The following DCK variants were observed in gnomAD, a reference collection of about 807,000 sequenced individuals.
DCK encodes the protein deoxyadenosine kinase.
A neutral mutation model predicts 38.3 loss-of-function variants in DCK; 23 were observed. The observed-to-expected ratio is 0.60, with a 90% confidence interval of 0.43 to 0.85. The LOEUF (loss-of-function observed/expected upper bound fraction) is 0.85, where lower values mean the gene tolerates loss of function less well. Among genes scored for constraint, DCK ranks in the 40% least tolerant of loss-of-function variants. DCK has a pLI of 0.00. For synonymous variants in DCK, 108 were observed against 100.6 expected, an observed-to-expected ratio of 1.07 and a Z score of -0.44; for missense variants, 259 against 304.4, an observed-to-expected ratio of 0.85 and a Z score of 1.11.
intron 1 of DCK, among the ~76,000 whole-genome samples, chr4:70,996,801 G>A (rs1285027006): frequency 6.6e-6 from 1 of 152,186 alleles, no homozygotes; most frequent in African/African-American, 2.4e-5. Context: ...GGACTTACCT[G>A]CTTCTCATCT....
chr4:70,995,444 T>C (rs987784011), intron 1 of DCK, among the ~76,000 whole-genome samples: 8 of 152,094 alleles, frequency 5.3e-5, no homozygotes, highest in Non-Finnish European at 7.4e-5. Flanking sequence ...AAAAATTAGT[T>C]GCATGTGTTG....
intron 2 of DCK, among the ~76,000 whole-genome samples, chr4:71,014,134 A>G (rs1442924220): frequency 6.6e-6 from 1 of 152,198 alleles, no homozygotes; most frequent in African/African-American, 2.4e-5. Flanking sequence ...CTCTGATAAA[A>G]CAGTCTTTAA....
intron 2 of DCK, among the ~76,000 whole-genome samples, chr4:71,002,662 A>G (rs1281650698): frequency 1.3e-5 from 2 of 152,092 alleles, no homozygotes; most frequent in South Asian, 2.1e-4. Flanking sequence ...GTGCATATCT[A>G]TTTAGGATAG....
intron 2 of DCK, among the ~76,000 whole-genome samples, chr4:71,000,661 T>C (rs1406945777): frequency 6.6e-6 from 1 of 152,240 alleles, no homozygotes; most frequent in African/African-American, 2.4e-5. Flanking sequence ...GAGCATGGAA[T>C]GTTTTACCAT....
intron 2 of DCK, among the ~76,000 whole-genome samples, chr4:71,012,947 C>T (rs1413056594): frequency 1.3e-5 from 2 of 151,632 alleles, no homozygotes; most frequent in African/African-American, 2.4e-5. Context: ...AAGAAGGCTT[C>T]AGATAATCAA....
chr4:71,013,873 A>G (rs140090695), intron 2 of DCK, among the ~76,000 whole-genome samples: 4,962 of 152,290 alleles, frequency 0.033, 280 homozygotes, highest in Admixed American at 0.15. Flanking sequence ...ATAACCAGCT[A>G]ACATCATAAT....
At chr4:71,027,364 A>T (rs1005079962) in intron 6 of DCK, among the ~76,000 whole-genome samples, 2 of 152,076 alleles carry the variant, frequency 1.3e-5, no homozygotes, top group Non-Finnish European at 2.9e-5. Context: ...ATCACAGTTC[A>T]TTTATTGCCC....
rs973498740 is a variant in DCK at position 71,013,688 on chromosome 4, C to T, written c.208-8679C>T. Among the ~76,000 whole-genome samples the T allele has an allele frequency of 3.3e-5, 5 of 152,130 alleles. No homozygotes were observed. In the East Asian group the frequency reaches 7.7e-4, roughly 23 times the overall value. ...TTCATAAGTGAAGGAGAAATAAAATCCTTTACAGACAAGCAAATGCTGAGA... is the reference window on the plus strand; with the variant it reads ...TTCATAAGTGAAGGAGAAATAAAATTCTTTACAGACAAGCAAATGCTGAGA... On this transcript the variant is annotated intron_variant, in intron 2 of 6. Transcript: ENST00000286648.
chr4:71,026,308 A>T (rs961140800), intron 5 of DCK, among the ~76,000 whole-genome samples: 1 of 152,112 alleles, frequency 6.6e-6, no homozygotes, highest in Admixed American at 6.6e-5. Flanking sequence ...GCTCAAGTCC[A>T]GTCTTACTGG....
At chr4:71,005,041 C>A (rs893395459) in intron 2 of DCK, among the ~76,000 whole-genome samples, 3 of 152,196 alleles carry the variant, frequency 2.0e-5, no homozygotes, top group African/African-American at 4.8e-5. Context: ...AAAAAAAACT[C>A]CTGCAGCTAA....
rs572568612 is a variant in DCK, at chr4:71,013,642, T to A, written c.208-8725T>A. Among the ~76,000 whole-genome samples the A allele has an allele frequency of 8.2e-3, 1,253 of 152,202 alleles. 9 individuals are homozygous for A. The highest frequency in any genetic ancestry group is 0.029 in the African/African-American group (1,191 of 41,512). On this transcript the variant is annotated intron_variant, in intron 2 of 6. Transcript: ENST00000286648. ...AGAAACGAATTTGCAACCCAGAATA[T>A]CATATCCAGCCAAACTAAACTTCAT... is the stretch of plus-strand genomic sequence containing the variant.
intron 2 of DCK, among the ~76,000 whole-genome samples, chr4:71,017,110 G>T (rs1367911944): frequency 6.6e-6 from 1 of 152,156 alleles, no homozygotes; most frequent in Non-Finnish European, 1.5e-5. Flanking sequence ...CCATCAAAAA[G>T]TGGGCAAAGG....
chr4:71,000,731 C>T (rs1221624961), intron 2 of DCK, among the ~76,000 whole-genome samples: 1 of 152,116 alleles, frequency 6.6e-6, no homozygotes, highest in African/African-American at 2.4e-5. Flanking sequence ...TGAAGAGGTC[C>T]TTCACATCCG....
chr4:70,995,704 G>T (rs1002003385), intron 1 of DCK, among the ~76,000 whole-genome samples: 1 of 152,078 alleles, frequency 6.6e-6, no homozygotes, highest in African/African-American at 2.4e-5. Context: ...TTTCCTCAAA[G>T]CATCTTTAAT....
chr4:71,006,609 A>C (rs1739948455), intron 2 of DCK, among the ~76,000 whole-genome samples: 1 of 152,124 alleles, frequency 6.6e-6, no homozygotes, highest in South Asian at 2.1e-4. Flanking sequence ...GGAGTTCAAG[A>C]CCAGCCTGGG....
At position 71,018,614 on chromosome 4, in the gene DCK, C is replaced by G. The variant is rs568897376; in HGVS notation, c.208-3753C>G. On this transcript the variant is annotated intron_variant, in intron 2 of 6. Coordinates refer to ENST00000286648, the MANE Select transcript of DCK (RefSeq NM_000788.3). ...TCTGGATAGTTTGCAGAGGGGAGAA[C>G]TTGATAAAATTAACATTCAGTTTGG... 1.8e-4 allele frequency among the ~76,000 whole-genome samples: 27 copies of G among 149,810 alleles called. 1 individual carries two copies. The South Asian group carries it at 3.6e-3, about 20-fold the overall frequency.
At chr4:71,021,408 G>GTT (rs1371224875) in intron 2 of DCK, among the ~76,000 whole-genome samples, 2 of 152,160 alleles carry the variant, frequency 1.3e-5, no homozygotes, top group Non-Finnish European at 2.9e-5. Flanking sequence ...GATGATAAGA[G>GTT]TTTTTACTTC....
chr4:71,002,213 CT>C (rs1230842959), intron 2 of DCK, among the ~76,000 whole-genome samples: 1 of 152,078 alleles, frequency 6.6e-6, no homozygotes, highest in Admixed American at 6.6e-5. Context: ...TATTTCTGCC[CT>C]AATTTCGTTA....
At chr4:70,999,392 G>A (rs1257124122) in intron 2 of DCK, among the ~76,000 whole-genome samples, 1 of 152,204 alleles carries the variant, frequency 6.6e-6, no homozygotes, top group African/African-American at 2.4e-5. Flanking sequence ...TGGTGTATAT[G>A]TGCCACATTT....
Sources: gnomAD v4.1 joint callset for allele counts (sites outside exome capture counted in the v4.1 genomes callset) on GRCh38, gnomAD v4.1.1 for gene constraint, MANE v1.5 for transcripts, NCBI Gene and HGNC (gene_info 2026-07-23, HGNC 2026-07-21) for gene names.